USH2A: variants seen among roughly 807,000 people sequenced by gnomAD.
USH2A encodes Usher syndrome 2A (autosomal recessive, mild).
USH2A carries 443 observed loss-of-function variants against 538.9 expected under a neutral mutation model. The ratio of observed to expected loss-of-function variants is 0.82; its 90% CI spans 0.76 to 0.89. The LOEUF is 0.89. USH2A is among the 40% of genes least tolerant of loss of function. The pLI is 0.00. For synonymous variants in USH2A, 2,413 were observed against 2,273.5 expected, an observed-to-expected ratio of 1.06 and a Z score of -1.75; for missense variants, 6,633 against 6,324.8, an observed-to-expected ratio of 1.05 and a Z score of -1.65.
chr1:215,635,626 G>A (rs1390686445), intron 69 of USH2A, among the ~76,000 whole-genome samples: 7 of 151,448 alleles, frequency 4.6e-5, no homozygotes, highest in East Asian at 3.9e-4. Context: ...TGTGATCTCC[G>A]CTCACTGCAA....
At chr1:215,828,754 C>T (rs1254580752) in intron 47 of USH2A, among the ~76,000 whole-genome samples, 1 of 152,130 alleles carries the variant, frequency 6.6e-6, no homozygotes, top group Non-Finnish European at 1.5e-5. Context: ...CTCTACTTTC[C>T]CTTGAGCCTC....
chr1:215,968,754 A>G (rs1403367159), intron 36 of USH2A, among the ~76,000 whole-genome samples: 1 of 152,206 alleles, frequency 6.6e-6, no homozygotes, highest in Non-Finnish European at 1.5e-5. Flanking sequence ...ATTTAAAAAT[A>G]GAAATGATAA....
chr1:216,152,517 C>G (rs1408918754), intron 21 of USH2A, among the ~76,000 whole-genome samples: 1 of 151,934 alleles, frequency 6.6e-6, no homozygotes, highest in Non-Finnish European at 1.5e-5. Flanking sequence ...AGAACAAACC[C>G]CCTTTGACTG....
intron 30 of USH2A, 80 bp downstream of exon 30, chr1:216,070,021 A>T (rs2031504593): frequency 1.3e-6 from 2 of 1,510,070 alleles, no homozygotes; most frequent in African/African-American, 2.8e-5. Context: ...TTTCTAAAAA[A>T]CATTTGCAGA....
chr1:215,741,183 T>C (rs1472502043), intron 60 of USH2A, among the ~76,000 whole-genome samples, 192 bp downstream of exon 60: 1 of 152,132 alleles, frequency 6.6e-6, no homozygotes, highest in Non-Finnish European at 1.5e-5. Context: ...TTGTAAAAGT[T>C]TGAGCACCAG....
chr1:215,714,759 A>G (rs1238682596), intron 61 of USH2A, among the ~76,000 whole-genome samples: 2 of 152,214 alleles, frequency 1.3e-5, no homozygotes, highest in African/African-American at 4.8e-5. Flanking sequence ...AAGACCAAAA[A>G]GCTTGGAGGA....
chr1:215,752,356 T>C (rs111285421), intron 58 of USH2A, among the ~76,000 whole-genome samples: 8 of 152,302 alleles, frequency 5.3e-5, no homozygotes, highest in African/African-American at 1.7e-4. Context: ...CTTGATTTTC[T>C]AGAGCTTAGA....
intron 20 of USH2A, among the ~76,000 whole-genome samples, chr1:216,186,489 A>G (rs1287520601): frequency 6.6e-6 from 1 of 151,692 alleles, no homozygotes; most frequent in Non-Finnish European, 1.5e-5. Context: ...TTCTGACCAT[A>G]CCTCTGTTCA....
At chr1:215,989,993 C>T (rs1667967097) in intron 35 of USH2A, among the ~76,000 whole-genome samples, 2 of 152,010 alleles carry the variant, frequency 1.3e-5, no homozygotes, top group African/African-American at 4.8e-5. Context: ...CAAGATTGTT[C>T]TAAGAATCAG....
chr1:216,295,162 TGAA>T (rs1476445869), intron 9 of USH2A, among the ~76,000 whole-genome samples: 1 of 151,776 alleles, frequency 6.6e-6, no homozygotes, highest in African/African-American at 2.4e-5. Context: ...TTTATCATTT[TGAA>T]GAAGAAATTG....
At chr1:215,742,346 T>C (rs1660329040) in intron 59 of USH2A, among the ~76,000 whole-genome samples, 1 of 152,162 alleles carries the variant, frequency 6.6e-6, no homozygotes, top group African/African-American at 2.4e-5. Flanking sequence ...AAAATGTTTT[T>C]TATACTAAGG....
At chr1:215,878,211 T>G (rs1381945701) in intron 42 of USH2A, among the ~76,000 whole-genome samples, 1 of 152,180 alleles carries the variant, frequency 6.6e-6, no homozygotes, top group Admixed American at 6.6e-5. Context: ...CTTATCAAGT[T>G]AATGGTTTCC....
chr1:216,107,760 C>G (rs2032774357), intron 21 of USH2A, among the ~76,000 whole-genome samples: 1 of 150,260 alleles, frequency 6.7e-6, no homozygotes, highest in Non-Finnish European at 1.5e-5. Flanking sequence ...GAGGAGTTAC[C>G]TTAACATTCC....
chr1:216,224,382 TG>T (rs2035521642), intron 14 of USH2A, among the ~76,000 whole-genome samples: 1 of 152,206 alleles, frequency 6.6e-6, no homozygotes, highest in Admixed American at 6.5e-5. Flanking sequence ...TATACTTTTT[TG>T]CATTATTGAT....
Position 216,289,292 on chromosome 1 carries a change from A to C in USH2A, c.1959T>G (p.Ile653Met), listed in dbSNP as rs1402942244. 1.2e-6 allele frequency: 2 copies of C among 1,613,792 alleles called. No individual in the cohort carries two copies. Among genetic ancestry groups the C allele is most frequent in the Non-Finnish European group, 1.7e-6 (2 of 1,179,828 alleles). ...CDTVGTRNGS[I>M]LCDQIGGQCN... is the part of the protein sequence containing the mutation. ...CAGAAAAACTCACCTGATCACAAAG[A>C]ATGCTACCATTTCTAGTGCCAACTG... is the stretch of plus-strand genomic sequence containing the variant. The change falls in exon 11 of 72, where the codon ATT becomes ATG. Residue 653 changes from isoleucine to methionine, a missense_variant. Transcript: ENST00000307340.
At chr1:215,982,704 C>T (rs1171432463) in intron 35 of USH2A, among the ~76,000 whole-genome samples, 2 of 152,140 alleles carry the variant, frequency 1.3e-5, no homozygotes, top group Non-Finnish European at 2.9e-5. Flanking sequence ...ATGAGCCAGA[C>T]ATTGTGTTGC....
intron 32 of USH2A, among the ~76,000 whole-genome samples, chr1:216,010,593 C>A (rs1571886133): frequency 6.6e-6 from 1 of 151,936 alleles, no homozygotes; most frequent in East Asian, 1.9e-4. Flanking sequence ...ACTCACTCCA[C>A]ATCACCTTCT....
intron 5 of USH2A, among the ~76,000 whole-genome samples, chr1:216,325,866 T>C (rs1445882578): frequency 2.0e-5 from 3 of 152,240 alleles, no homozygotes; most frequent in African/African-American, 7.2e-5. Flanking sequence ...GTCTGATTAT[T>C]AAGATACTTA....
At chr1:215,807,366 C>A (rs1662533074) in intron 49 of USH2A, among the ~76,000 whole-genome samples, 1 of 152,132 alleles carries the variant, frequency 6.6e-6, no homozygotes, top group Admixed American at 6.6e-5. Context: ...CAATAGGAAA[C>A]AAACTGAGCG....
Sources: allele counts gnomAD v4.1 joint callset (sites outside exome capture counted in the v4.1 genomes callset), GRCh38; gene constraint gnomAD v4.1.1; transcripts MANE v1.5; gene names NCBI Gene and HGNC (gene_info 2026-07-23, HGNC 2026-07-21).